The following TMEM207 variants were observed in gnomAD, a reference collection of about 807,000 sequenced individuals.
TMEM207 encodes the protein transmembrane protein 207.
A neutral mutation model predicts 17.4 loss-of-function variants in TMEM207; 15 were observed. That is an observed-to-expected ratio of 0.86 (90% CI 0.58 to 1.33). The LOEUF (loss-of-function observed/expected upper bound fraction) is 1.33, where lower values mean the gene tolerates loss of function less well. Among genes scored for constraint, TMEM207 ranks in the 40% most tolerant of loss-of-function variants. The probability of loss-of-function intolerance (pLI) is 0.00; values close to 1 mark genes in which losing one functional copy is unlikely to be tolerated. For missense variants in TMEM207, 205 were observed against 173.8 expected (o/e 1.18, Z -1.01); for synonymous variants, 70 against 65.6 (o/e 1.07, Z -0.33).
intron 2 of TMEM207, among the ~76,000 whole-genome samples, chr3:190,447,112 T>A (rs907900710): frequency 6.6e-6 from 1 of 151,754 alleles, no homozygotes; most frequent in African/African-American, 2.4e-5. Context: ...TGGCTTTGAG[T>A]GTAACAGGCA....
chr3:190,447,926 G>T, intron 1 of TMEM207, 99 bp from the exon 2 acceptor site: 1 of 1,185,626 alleles, frequency 8.4e-7, no homozygotes, highest in South Asian at 1.7e-5. Context: ...ATATCATTTC[G>T]TTTGCTTTTT....
At chr3:190,440,136 C>T in intron 4 of TMEM207, 108 bp downstream of exon 4, 2 of 1,368,582 alleles carry the variant, frequency 1.5e-6, no homozygotes, top group Non-Finnish European at 2.0e-6. Flanking sequence ...TCCAATAAGC[C>T]ACATCTTTTT....
chr3:190,439,223 T>C (rs1343335945), intron 4 of TMEM207, among the ~76,000 whole-genome samples: 2 of 139,668 alleles, frequency 1.4e-5, no homozygotes, highest in African/African-American at 5.3e-5. Context: ...AAACTGATAA[T>C]GCATTGCCTC....
At chr3:190,444,033 ATTC>A (rs1260677765) in intron 2 of TMEM207, among the ~76,000 whole-genome samples, 2 of 152,130 alleles carry the variant, frequency 1.3e-5, no homozygotes, top group Admixed American at 6.6e-5. Context: ...GTTGATCTTT[ATTC>A]TTCTTCTCTG....
chr3:190,442,518 A>G (rs1408344655), intron 2 of TMEM207, among the ~76,000 whole-genome samples: 1 of 152,212 alleles, frequency 6.6e-6, no homozygotes, highest in Non-Finnish European at 1.5e-5. Flanking sequence ...ATTCTATCAC[A>G]AACATTTAAG....
In TMEM207 at chr3:190,429,628, TGG is replaced by T; in HGVS notation, c.406_407del (p.Pro136ThrfsTer4). 6.2e-7 allele frequency: 1 copy of T among 1,613,364 alleles called. No homozygotes were observed. The highest frequency in any genetic ancestry group is 1.1e-5 in the South Asian group (1 of 91,034). On this transcript the variant is annotated frameshift_variant, in exon 5 of 5. Transcript: ENST00000354905. LOFTEE classifies it high-confidence loss of function. Reference protein sequence around the residue: ...PAPCFGPLGSPPPYEEIVKTT With the variant: ...PAPCFGPLGSXPPYEEIVKTT ...TTTTTACAATTTCTTCATATGGAGG[TGG>T]GGAGCCTAAAGGGCCAAAACATGGA...
At chr3:190,430,877 C>T (rs529612456) in intron 4 of TMEM207, among the ~76,000 whole-genome samples, 6 of 152,038 alleles carry the variant, frequency 3.9e-5, no homozygotes, top group Non-Finnish European at 8.8e-5. Context: ...AGATTTGATG[C>T]CATTAGGAAT....
At chr3:190,445,044 G>T (rs897281216) in intron 2 of TMEM207, among the ~76,000 whole-genome samples, 1 of 152,140 alleles carries the variant, frequency 6.6e-6, no homozygotes, top group Admixed American at 6.5e-5. Context: ...TTGATTAAAT[G>T]TTGGATATAC....
At chr3:190,448,621 T>C (rs1362710819) in intron 1 of TMEM207, among the ~76,000 whole-genome samples, 2 of 152,208 alleles carry the variant, frequency 1.3e-5, no homozygotes, top group African/African-American at 4.8e-5. Flanking sequence ...ACGGCATTTA[T>C]GTGTAGCTCT....
At chr3:190,444,166 A>G (rs985202570) in intron 2 of TMEM207, among the ~76,000 whole-genome samples, 5 of 152,160 alleles carry the variant, frequency 3.3e-5, no homozygotes, top group Non-Finnish European at 7.3e-5. Context: ...TAGGGCAGAC[A>G]CTCTTCTAAA....
chr3:190,444,516 AAAT>A (rs1428099842), intron 2 of TMEM207: 39 of 862,038 alleles, frequency 4.5e-5, no homozygotes, highest in African/African-American at 1.3e-4. Flanking sequence ...AAAAAAAAAA[AAAT>A]AGAAATGAGA....
At chr3:190,439,130 T>A (rs1453340584) in intron 4 of TMEM207, among the ~76,000 whole-genome samples, 1 of 132,700 alleles carries the variant, frequency 7.5e-6, no homozygotes, top group Non-Finnish European at 1.5e-5. Context: ...TGAGCGGAGA[T>A]CGCGCCACGG....
At chr3:190,444,195 T>C (rs59871218) in intron 2 of TMEM207, among the ~76,000 whole-genome samples, 21,430 of 152,208 alleles carry the variant, frequency 0.14, 1,622 homozygotes, top group Middle Eastern at 0.17. Flanking sequence ...CGTAACTTCA[T>C]GTGAAATAAC....
intron 4 of TMEM207, among the ~76,000 whole-genome samples, chr3:190,438,584 C>A (rs1417505984): frequency 6.6e-6 from 1 of 152,042 alleles, no homozygotes; most frequent in Non-Finnish European, 1.5e-5. Context: ...AAAATTAAAA[C>A]GAAAATTCTT....
At chr3:190,431,675 T>G (rs1455776661) in intron 4 of TMEM207, among the ~76,000 whole-genome samples, 1 of 152,124 alleles carries the variant, frequency 6.6e-6, no homozygotes, top group Non-Finnish European at 1.5e-5. Context: ...CCCTAGTGTA[T>G]TCAGTACAAA....
intron 4 of TMEM207, among the ~76,000 whole-genome samples, chr3:190,433,129 C>T (rs1420290454): frequency 6.6e-6 from 1 of 152,154 alleles, no homozygotes; most frequent in African/African-American, 2.4e-5. Context: ...CTCCTATGCT[C>T]TCAAATTCTC....
chr3:190,446,267 C>G (rs1577448789), intron 2 of TMEM207, among the ~76,000 whole-genome samples: 1 of 152,128 alleles, frequency 6.6e-6, no homozygotes, highest in African/African-American at 2.4e-5. Context: ...ACTGAAATCT[C>G]TTGTATAAAT....
At chr3:190,434,416 ACT>A (rs1441963989) in intron 4 of TMEM207, among the ~76,000 whole-genome samples, 3 of 151,654 alleles carry the variant, frequency 2.0e-5, no homozygotes, top group African/African-American at 7.3e-5. Context: ...CATCTTCCTT[ACT>A]CTCTCTTTGC....
chr3:190,438,332 A>G (rs1268358830), intron 4 of TMEM207, among the ~76,000 whole-genome samples: 1 of 150,596 alleles, frequency 6.6e-6, no homozygotes, highest in Non-Finnish European at 1.5e-5. Flanking sequence ...ATGATTTCAG[A>G]GTAACATAGA....
Sources: gnomAD v4.1 joint callset for allele counts (sites outside exome capture counted in the v4.1 genomes callset) on GRCh38, gnomAD v4.1.1 for gene constraint, MANE v1.5 for transcripts, NCBI Gene and HGNC (gene_info 2026-07-23, HGNC 2026-07-21) for gene names.